The following SLCO5A1 variants were observed in gnomAD, a reference collection of about 807,000 sequenced individuals.
SLCO5A1 encodes solute carrier organic anion transporter family member 5A1, also known as organic anion transporter polypeptide-related protein 4.
SLCO5A1 carries 39 observed loss-of-function variants against 65.1 expected under a neutral mutation model. The ratio of observed to expected loss-of-function variants is 0.60; its 90% CI spans 0.46 to 0.78. The LOEUF (loss-of-function observed/expected upper bound fraction) is 0.78. Among genes scored for constraint, SLCO5A1 ranks in the 30% least tolerant of loss-of-function variants. The probability of loss-of-function intolerance (pLI) is 0.00; values close to 1 mark genes in which losing one functional copy is unlikely to be tolerated. For missense variants in SLCO5A1, 1,029 were observed against 1,069.4 expected (o/e 0.96, Z 0.53); for synonymous variants, 438 against 415.7 (o/e 1.05, Z -0.65).
intron 2 of SLCO5A1, 56 bp from the exon 3 acceptor site, chr8:69,761,931 A>G (rs1313143246): frequency 3.2e-5 from 51 of 1,591,292 alleles, no homozygotes; most frequent in Middle Eastern, 1.7e-4. Flanking sequence ...ACATGTTAGG[A>G]GTTCTCTCAT....
chr8:69,758,988 A>G (rs1188868518), intron 3 of SLCO5A1, among the ~76,000 whole-genome samples: 1 of 152,226 alleles, frequency 6.6e-6, no homozygotes, highest in Non-Finnish European at 1.5e-5. Context: ...CTCCCTGAGC[A>G]TCAATTTCCT....
intron 2 of SLCO5A1, among the ~76,000 whole-genome samples, chr8:69,768,565 A>G (rs892557702): frequency 6.6e-6 from 1 of 152,196 alleles, no homozygotes; most frequent in Non-Finnish European, 1.5e-5. Context: ...TGCCATCGGC[A>G]CTGGCTTCTG....
chr8:69,781,300 C>A (rs1239301152), intron 2 of SLCO5A1, among the ~76,000 whole-genome samples: 1 of 152,242 alleles, frequency 6.6e-6, no homozygotes, highest in Non-Finnish European at 1.5e-5. Context: ...CAGTCATTGG[C>A]ATCACCATGG....
At chr8:69,732,620 A>T (rs1025868533) in intron 5 of SLCO5A1, among the ~76,000 whole-genome samples, 5 of 152,116 alleles carry the variant, frequency 3.3e-5, no homozygotes, top group Non-Finnish European at 7.4e-5. Flanking sequence ...CAGCACTGTG[A>T]CCCCAAGTGG....
At chr8:69,802,384 C>T (rs185698639) in intron 2 of SLCO5A1, among the ~76,000 whole-genome samples, 1 of 151,594 alleles carries the variant, frequency 6.6e-6, no homozygotes, top group Non-Finnish European at 1.5e-5. Flanking sequence ...CGCATGCCTG[C>T]AGTCCCAGCT....
At chr8:69,704,490 C>T (rs939766657) in intron 6 of SLCO5A1, among the ~76,000 whole-genome samples, 8 of 152,140 alleles carry the variant, frequency 5.3e-5, no homozygotes, top group African/African-American at 1.9e-4. Flanking sequence ...TGTATGAATG[C>T]TCTATTTTAG....
At chr8:69,808,101 T>C (rs899341737) in intron 2 of SLCO5A1, among the ~76,000 whole-genome samples, 1 of 152,168 alleles carries the variant, frequency 6.6e-6, no homozygotes, top group African/African-American at 2.4e-5. Context: ...AACACTTAGT[T>C]GTTTCCATGT....
At chr8:69,745,420 TA>T (rs1816973709) in intron 4 of SLCO5A1, among the ~76,000 whole-genome samples, 1 of 152,210 alleles carries the variant, frequency 6.6e-6, no homozygotes, top group Admixed American at 6.5e-5. Context: ...CATCTTTTTT[TA>T]AAATTTAAAC....
intron 5 of SLCO5A1, among the ~76,000 whole-genome samples, chr8:69,718,783 C>T (rs1040366664): frequency 6.6e-6 from 1 of 152,112 alleles, no homozygotes; most frequent in Non-Finnish European, 1.5e-5. Context: ...AAAATTCCTG[C>T]CCAGATTGAG....
At chr8:69,770,896 T>TA (rs1484239858) in intron 2 of SLCO5A1, among the ~76,000 whole-genome samples, 1 of 152,258 alleles carries the variant, frequency 6.6e-6, no homozygotes, top group Non-Finnish European at 1.5e-5. Context: ...CTGCTATTTT[T>TA]AATCCCATTT....
At chr8:69,743,048 C>A (rs1366727443) in intron 4 of SLCO5A1, among the ~76,000 whole-genome samples, 1 of 152,042 alleles carries the variant, frequency 6.6e-6, no homozygotes, top group Non-Finnish European at 1.5e-5. Context: ...GATCTGCCCG[C>A]CTCGGCCTCC....
intron 5 of SLCO5A1, among the ~76,000 whole-genome samples, chr8:69,709,088 AG>A (rs1815106341): frequency 6.6e-6 from 1 of 152,212 alleles, no homozygotes; most frequent in Non-Finnish European, 1.5e-5. Context: ...CGATGGGTTG[AG>A]TAGTCAGTCA....
intron 5 of SLCO5A1, among the ~76,000 whole-genome samples, chr8:69,731,203 C>T (rs113045765): frequency 0.03 from 4,630 of 152,176 alleles, 242 homozygotes; most frequent in African/African-American, 0.1. Context: ...TTTCGCCATG[C>T]TGGCCAGGCT....
chr8:69,743,488 A>G (rs1816890244), intron 4 of SLCO5A1, among the ~76,000 whole-genome samples: 1 of 152,204 alleles, frequency 6.6e-6, no homozygotes, highest in Non-Finnish European at 1.5e-5. Flanking sequence ...AGTAACTAGT[A>G]CTACAAAAGG....
intron 2 of SLCO5A1, among the ~76,000 whole-genome samples, chr8:69,793,128 C>A (rs1819341284): frequency 6.6e-6 from 1 of 151,872 alleles, no homozygotes; most frequent in South Asian, 2.1e-4. Flanking sequence ...ACTACAGGTG[C>A]ACACCACCAC....
chr8:69,793,480 T>C (rs1819357640), intron 2 of SLCO5A1, among the ~76,000 whole-genome samples: 1 of 152,028 alleles, frequency 6.6e-6, no homozygotes, highest in South Asian at 2.1e-4. Context: ...ATAATAATAA[T>C]AGAGCTGACA....
intron 2 of SLCO5A1, among the ~76,000 whole-genome samples, chr8:69,762,464 G>C (rs1478663261): frequency 6.6e-6 from 1 of 152,022 alleles, no homozygotes; most frequent in Non-Finnish European, 1.5e-5. Flanking sequence ...GGGATTACAG[G>C]CATGAGCCAC....
intron 2 of SLCO5A1, among the ~76,000 whole-genome samples, chr8:69,822,503 A>G (rs1252677547): frequency 6.6e-6 from 1 of 152,220 alleles, no homozygotes; most frequent in Non-Finnish European, 1.5e-5. Flanking sequence ...GCTCTCCTAT[A>G]CAATGTTTTA....
Position 69,832,784 on chromosome 8 carries a change from C to T in SLCO5A1, c.-111G>A. On this transcript the variant is annotated 5_prime_UTR_variant, in exon 2 of 10. Coordinates refer to ENST00000260126, the MANE Select transcript of SLCO5A1 (RefSeq NM_030958.3). The surrounding 1 kb of genome is among the most constrained non-coding windows in gnomAD (Gnocchi z 4.5). ...CCCAGTCAGTCTTGCCCACCTGGGACTGGGGCTGGGGGCGCAGGGCCGCGC... is the reference window on the plus strand; with the variant it reads ...CCCAGTCAGTCTTGCCCACCTGGGATTGGGGCTGGGGGCGCAGGGCCGCGC... 6.1e-6 allele frequency: 8 copies of T among 1,301,614 alleles called. No homozygotes were observed. Among genetic ancestry groups the T allele is most frequent in the Non-Finnish European group, 8.2e-6 (8 of 970,052 alleles). The allele number at this position is 1,301,614 out of a possible 1,614,324, so 80.6% of individuals were successfully genotyped here. A position where few individuals can be genotyped will look rare whatever the true frequency, so the allele number is the denominator to read the frequency against.
Sources: gnomAD v4.1 joint callset for allele counts (sites outside exome capture counted in the v4.1 genomes callset) on GRCh38, gnomAD v4.1.1 for gene constraint, Gnocchi (gnomAD v3.1) non-coding constraint, MANE v1.5 for transcripts, NCBI Gene and HGNC (gene_info 2026-07-23, HGNC 2026-07-21) for gene names.